The following VIRMA variants were observed in gnomAD, a reference collection of about 807,000 sequenced individuals.
The protein encoded by VIRMA is vir like m6A methyltransferase associated, also known as protein virilizer homolog.
In VIRMA, 65 loss-of-function variants were observed where a neutral mutation model predicts 182.4. The ratio of observed to expected loss-of-function variants is 0.36; its 90% confidence interval spans 0.29 to 0.44. VIRMA has a LOEUF of 0.44. Among genes scored for constraint, VIRMA ranks in the 20% least tolerant of loss-of-function variants. The pLI is 1.00. For missense variants in VIRMA, 1,752 were observed against 2,158.1 expected (o/e 0.81, Z 3.73); for synonymous variants, 709 against 743.1 (o/e 0.95, Z 0.75).
Position 94,492,761 on chromosome 8 carries a change from A to T in VIRMA, c.4699T>A (p.Ser1567Thr), listed in dbSNP as rs749667009. 3.1e-6 allele frequency: 5 copies of T among 1,613,704 alleles called. No homozygotes were observed. Among genetic ancestry groups the T allele is most frequent in the Non-Finnish European group, 4.2e-6 (5 of 1,179,860 alleles). Residue 1567 changes from serine to threonine, a missense_variant, in exon 21 of 24, where the codon TCA (serine) becomes ACA (threonine). By Grantham distance (58) the Ser-to-Thr change is moderately conservative (BLOSUM62 1). Transcript: ENST00000297591. ...EKCCSDFDLH[S>T]ELERSFLSEP... ...GACAAAAATGAGCGCTCTAATTCTG[A>T]GTGCAAATCAAAGTCACTACAGCAT... is the stretch of plus-strand genomic sequence containing the variant.
At chr8:94,502,268 G>A (rs887456723) in intron 16 of VIRMA, among the ~76,000 whole-genome samples, 4 of 152,066 alleles carry the variant, frequency 2.6e-5, no homozygotes, top group Admixed American at 1.3e-4. Context: ...AGCCCGGGAG[G>A]CGAAGGCTGC....
At chr8:94,495,936 A>C (rs1456772852) in intron 18 of VIRMA, 45 bp from the exon 19 acceptor site, 1 of 1,561,558 alleles carries the variant, frequency 6.4e-7, no homozygotes, top group South Asian at 1.2e-5. Context: ...GGTAAAACTT[A>C]TGTCTGTAAA....
In VIRMA at chr8:94,520,597, A is replaced by G. The variant is rs191100018; in HGVS notation, c.2022-1121T>C. The stretch of plus-strand genomic sequence containing the variant: ...CAATAATAGTATAACAACTATTTAC[A>G]GAGCATTTATATTGTACTATGTATT... On this transcript the variant is annotated intron_variant, in intron 8 of 23. Coordinates refer to ENST00000297591, the MANE Select transcript of VIRMA (RefSeq NM_015496.5). Among the ~76,000 whole-genome samples, 760 of 152,350 alleles carry G rather than the reference A, an allele frequency of 5.0e-3. 34 individuals are homozygous for G. The highest frequency in any genetic ancestry group is 0.046 in the Admixed American group (711 of 15,298).
Position 94,553,375 on chromosome 8 carries a change from C to A in VIRMA, c.63+10G>T. On this transcript the variant is annotated intron_variant, in intron 1 of 23. Transcript: ENST00000297591. The stretch of plus-strand genomic sequence containing the variant: ...AGAAGCAGCGTCAGAATCAAGTCGC[C>A]AAGCCTTACCTCAGCGCTCGGGTGT... 1 of 1,613,864 alleles carries A rather than the reference C, an allele frequency of 6.2e-7. No homozygotes were observed. Among genetic ancestry groups the A allele is most frequent in the South Asian group, 1.1e-5 (1 of 91,078 alleles).
chr8:94,527,649 A>G (rs1815020430), intron 7 of VIRMA, among the ~76,000 whole-genome samples: 1 of 152,212 alleles, frequency 6.6e-6, no homozygotes, highest in African/African-American at 2.4e-5. Context: ...TGTAACAGAT[A>G]TCTTTTCCTC....
In VIRMA at chr8:94,492,006, A is replaced by G. The variant is rs140246840; in HGVS notation, c.4809-97T>C. 209 of 895,780 alleles carry G rather than the reference A, an allele frequency of 2.3e-4. 3 individuals carry two copies. The African/African-American group carries it at 3.3e-3, about 14-fold the overall frequency. The allele number at this position is 895,780 out of a possible 1,614,324, so 55.5% of individuals were successfully genotyped here. On this transcript the variant is annotated intron_variant, in intron 21 of 23. Coordinates refer to ENST00000297591, the MANE Select transcript of VIRMA (RefSeq NM_015496.5). ...CAAAATTATATTTCAGTTTTTTTGTACTCCAATTCTGCTAACTTTGCAAGT... is the reference window on the plus strand; with the variant it reads ...CAAAATTATATTTCAGTTTTTTTGTGCTCCAATTCTGCTAACTTTGCAAGT...
intron 4 of VIRMA, among the ~76,000 whole-genome samples, chr8:94,536,464 T>G (rs537105885): frequency 2.0e-5 from 3 of 152,230 alleles, no homozygotes; most frequent in Admixed American, 1.3e-4. Flanking sequence ...ATATGAAATA[T>G]GTACTTTTAA....
chr8:94,492,554 G>A (rs557182441), intron 21 of VIRMA, 98 bp downstream of exon 21: 11 of 1,019,734 alleles, frequency 1.1e-5, no homozygotes, highest in East Asian at 2.5e-5. Flanking sequence ...TTACAGGCGT[G>A]AGCCACCGCG....
chr8:94,533,323 A>C (rs1447410321), intron 5 of VIRMA, among the ~76,000 whole-genome samples: 2 of 152,208 alleles, frequency 1.3e-5, no homozygotes, highest in Admixed American at 1.3e-4. Context: ...GGATTCAGAG[A>C]AACAAAGGTT....
intron 17 of VIRMA, 183 bp downstream of exon 17, chr8:94,499,191 G>A: frequency 2.5e-6 from 1 of 405,142 alleles, no homozygotes; most frequent in Non-Finnish European, 4.3e-6. Context: ...TTTCAAGACA[G>A]GGTCTCACTA....
chr8:94,519,873 C>A (rs956050405), intron 8 of VIRMA, among the ~76,000 whole-genome samples: 1 of 152,084 alleles, frequency 6.6e-6, no homozygotes, highest in Non-Finnish European at 1.5e-5. Context: ...TCCGCATCTG[C>A]ATTTGTGGAT....
chr8:94,517,876 C>T lies in VIRMA; in HGVS notation c.2580G>A (p.Gln860=). ...CTAGCATTTGAACATCACTGGAAGA[C>T]TGAACCACCACCAAAATAAGTATGC... is the stretch of plus-strand genomic sequence containing the variant. ...YACILILVVV[Q]SSSDVQMLEQ... is the part of the protein sequence containing the mutation. Residue 860 remains glutamine (Q), a synonymous_variant, in exon 10 of 24, where the codon CAG becomes CAA. Coordinates refer to ENST00000297591, the MANE Select transcript of VIRMA (RefSeq NM_015496.5). The T allele has an allele frequency of 4.3e-6, 7 of 1,612,514 alleles. No homozygotes were observed. Among genetic ancestry groups the T allele is most frequent in the South Asian group, 1.1e-5 (1 of 91,018 alleles).
At chr8:94,520,313 T>C (rs1814718274) in intron 8 of VIRMA, among the ~76,000 whole-genome samples, 1 of 150,954 alleles carries the variant, frequency 6.6e-6, no homozygotes, top group Non-Finnish European at 1.5e-5. Context: ...TTGAGCAATA[T>C]AGTGAGACCC....
chr8:94,551,718 T>C (rs1815993080), intron 1 of VIRMA, among the ~76,000 whole-genome samples: 1 of 152,204 alleles, frequency 6.6e-6, no homozygotes. Flanking sequence ...TCTTTCTCTT[T>C]TTCCTTTTTC....
At chr8:94,518,799 T>G (rs1814650667) in intron 9 of VIRMA, among the ~76,000 whole-genome samples, 186 bp downstream of exon 9, 1 of 152,234 alleles carries the variant, frequency 6.6e-6, no homozygotes, top group Non-Finnish European at 1.5e-5. Flanking sequence ...TCCACTGTAT[T>G]ACTTTATAGC....
intron 1 of VIRMA, among the ~76,000 whole-genome samples, chr8:94,544,623 T>C (rs1304266054): frequency 7.2e-6 from 1 of 138,534 alleles, no homozygotes; most frequent in East Asian, 2.2e-4. Context: ...ATCGCGCCAC[T>C]GCACTCCAGC....
intron 5 of VIRMA, among the ~76,000 whole-genome samples, chr8:94,533,336 T>A (rs1445107404): frequency 6.6e-6 from 1 of 152,190 alleles, no homozygotes; most frequent in Non-Finnish European, 1.5e-5. Context: ...CAAAGGTTAT[T>A]TATAGTCACA....
At chr8:94,538,093 A>G (rs1012761688) in intron 3 of VIRMA, among the ~76,000 whole-genome samples, 167 bp downstream of exon 3, 1 of 152,232 alleles carries the variant, frequency 6.6e-6, no homozygotes, top group African/African-American at 2.4e-5. Context: ...TAAATTTAGC[A>G]TCTCCTTAGG....
rs1288766088 is a variant in VIRMA at position 94,526,501 on chromosome 8, A to G, written c.1743T>C (p.Pro581=). The G allele has an allele frequency of 2.5e-6, 4 of 1,613,436 alleles. No individual in the cohort carries two copies. In the Admixed American group the frequency reaches 6.7e-5, roughly 27 times the overall value. Residue 581 remains proline, a synonymous_variant, in exon 8 of 24, where the codon CCT becomes CCC. Coordinates refer to ENST00000297591, the MANE Select transcript of VIRMA (RefSeq NM_015496.5). The part of the protein sequence containing the change: ...DHLAEKTSSL[P]NHSEPDHDTD... ...TGTCGTGATCAGGTTCACTGTGGTT[A>G]GGAAGAGATGAAGTCTTCTCTGCTA...
Sources: gnomAD v4.1 joint callset for allele counts (sites outside exome capture counted in the v4.1 genomes callset) on GRCh38, gnomAD v4.1.1 for gene constraint, MANE v1.5 for transcripts, NCBI Gene and HGNC (gene_info 2026-07-23, HGNC 2026-07-21) for gene names.